The following ORC4 variants were observed in gnomAD, a reference collection of about 807,000 sequenced individuals.
The protein encoded by ORC4 is origin recognition complex subunit 4.
Under a neutral mutation model 63.9 loss-of-function variants are expected in ORC4, and 55 were observed. The ratio of observed to expected loss-of-function variants is 0.86; its 90% confidence interval spans 0.69 to 1.08. ORC4 has a LOEUF of 1.08. Among genes scored for constraint, ORC4 ranks in the 50% least tolerant of loss-of-function variants. The pLI, the probability that ORC4 is intolerant of heterozygous loss-of-function variation, is 0.00. For missense variants in ORC4, 511 were observed against 504.4 expected (o/e 1.01, Z -0.13); for synonymous variants, 150 against 168.5 (o/e 0.89, Z 0.85).
At chr2:147,935,977 G>A (rs527769145) in intron 13 of ORC4, among the ~76,000 whole-genome samples, 2 of 152,176 alleles carry the variant, frequency 1.3e-5, no homozygotes, top group East Asian at 3.9e-4. Flanking sequence ...TTTCTTCCTA[G>A]CCTCATTCTC....
At chr2:147,986,776 G>GACACACACACAC (rs1048997022) in intron 1 of ORC4, among the ~76,000 whole-genome samples, 2 of 101,308 alleles carry the variant, frequency 2.0e-5, no homozygotes, top group African/African-American at 9.5e-5. Flanking sequence ...ATTTTATACA[G>GACACACACACAC]ACACACACAC....
chr2:148,010,019 T>C (rs973870654), intron 1 of ORC4, among the ~76,000 whole-genome samples: 1 of 151,898 alleles, frequency 6.6e-6, no homozygotes, highest in Non-Finnish European at 1.5e-5. Context: ...CTAACCACAA[T>C]GGAATAAAAG....
intron 8 of ORC4, among the ~76,000 whole-genome samples, chr2:147,950,534 A>G (rs1688892934): frequency 6.6e-6 from 1 of 152,136 alleles, no homozygotes; most frequent in Admixed American, 6.6e-5. Flanking sequence ...TGGGAGGCCA[A>G]GGGGGGTAGA....
intron 13 of ORC4, 36 bp downstream of exon 13, chr2:147,938,110 T>TTGTC (rs1311706437): frequency 1.4e-6 from 2 of 1,382,188 alleles, no homozygotes; most frequent in Non-Finnish European, 2.1e-6. Context: ...AAAAATATAC[T>TTGTC]TGTCTGTAGA....
chr2:147,961,477 T>C (rs576332853), intron 4 of ORC4, among the ~76,000 whole-genome samples: 2 of 151,802 alleles, frequency 1.3e-5, no homozygotes, highest in East Asian at 3.9e-4. Flanking sequence ...AAAATTATAC[T>C]ATCGAGAGTT....
At chr2:147,936,477 T>G (rs182923453) in intron 13 of ORC4, 57 of 152,110 alleles carry the variant, frequency 3.7e-4, no homozygotes, top group African/African-American at 1.3e-3. Flanking sequence ...TACACTGAAA[T>G]AGATTCCTGA....
At chr2:147,977,106 T>A (rs117589761) in intron 1 of ORC4, among the ~76,000 whole-genome samples, 2 of 152,210 alleles carry the variant, frequency 1.3e-5, no homozygotes, top group Non-Finnish European at 1.5e-5. Flanking sequence ...AAAACTATCA[T>A]GTGGAATAAC....
In ORC4 at chr2:147,958,379, C is replaced by G. The variant is rs1443608101; in HGVS notation, c.306G>C (p.Leu102=). 6 of 1,608,466 alleles carry G rather than the reference C, an allele frequency of 3.7e-6. No homozygotes were observed. Among genetic ancestry groups the G allele is most frequent in the Non-Finnish European group, 5.1e-6 (6 of 1,175,494 alleles). The change falls in exon 6 of 14, where the codon CTG becomes CTC. Residue 102 remains leucine (L), a synonymous_variant. Transcript: ENST00000392857. The part of the protein sequence containing the change: ...ENVLQVHLNG[L]LQINDKIALK... ...GGGCGATTTTGTCATTGATCTGCAG[C>G]AGTCCTAAAATAAAGTCCATTTAAA...
rs1687915637 is a variant in ORC4 at position 147,934,030 on chromosome 2, T to C, written c.*1480A>G. 1.3e-5 allele frequency: 2 copies of C among 152,208 alleles called. No individual in the cohort carries two copies. The highest frequency in any genetic ancestry group is 1.3e-4 in the Admixed American group (2 of 15,266). The allele number at this position is 152,208 out of a possible 1,614,324, so 9.4% of individuals were successfully genotyped here. ...CATTAAAACATTGTTCCTTAGAGCA[T>C]ACTTTAAAAACTATTTGGTAAGGAA... On this transcript the variant is annotated 3_prime_UTR_variant, in exon 14 of 14. Coordinates refer to ENST00000392857, the MANE Select transcript of ORC4 (RefSeq NM_181741.4).
At chr2:147,997,473 C>T (rs190493178) in intron 1 of ORC4, among the ~76,000 whole-genome samples, 1 of 152,104 alleles carries the variant, frequency 6.6e-6, no homozygotes, top group African/African-American at 2.4e-5. Flanking sequence ...TCTTTGTCAA[C>T]ACCAATCATC....
chr2:147,966,373 A>C (rs2105334010), intron 4 of ORC4, among the ~76,000 whole-genome samples: 1 of 152,168 alleles, frequency 6.6e-6, no homozygotes, highest in African/African-American at 2.4e-5. Context: ...GAACAAACCA[A>C]ACCCCAAATT....
intron 1 of ORC4, among the ~76,000 whole-genome samples, chr2:148,013,408 A>T (rs1481233510): frequency 1.3e-5 from 2 of 152,242 alleles, no homozygotes. Context: ...AAAAGATGTT[A>T]GCAGAGGCTG....
chr2:147,937,919 A>C (rs1004120355), intron 13 of ORC4: 4 of 584,010 alleles, frequency 6.8e-6, no homozygotes, highest in Non-Finnish European at 1.2e-5. Context: ...TCGGGATGCA[A>C]GTGCTCTGAA....
chr2:147,958,465 T>C, intron 5 of ORC4, 82 bp from the exon 6 acceptor site: 1 of 981,216 alleles, frequency 1.0e-6, no homozygotes, highest in South Asian at 1.4e-5. Context: ...GTTAAGTAAA[T>C]CTTCCCAGTC....
rs1687883402 is a variant in ORC4 at position 147,933,534 on chromosome 2, T to G, written c.*1976A>C. On this transcript the variant is annotated 3_prime_UTR_variant, in exon 14 of 14. Transcript: ENST00000392857. ...TAGTCTTAAAATCTTTCTTTATACT[T>G]GGTTATTGATGGATCTTCTGCAGCT... 1 of 152,094 alleles carries G rather than the reference T, an allele frequency of 6.6e-6. No homozygotes were observed. Among genetic ancestry groups the G allele is most frequent in the Non-Finnish European group, 1.5e-5 (1 of 68,012 alleles). 9.4% of individuals were successfully genotyped at this position (152,094 alleles called of 1,614,324 possible).
At chr2:148,003,009 A>C (rs984238238) in intron 1 of ORC4, among the ~76,000 whole-genome samples, 2 of 152,262 alleles carry the variant, frequency 1.3e-5, no homozygotes, top group Admixed American at 6.5e-5. Context: ...TAGAAAATCT[A>C]GAAGAAATGG....
chr2:148,019,059 TTTTTC>T (rs1398346495), intron 1 of ORC4, among the ~76,000 whole-genome samples: 1 of 152,184 alleles, frequency 6.6e-6, no homozygotes, highest in Non-Finnish European at 1.5e-5. Context: ...GGTATTTTTT[TTTTTC>T]ATTACAAAGT....
chr2:147,954,487 G>T (rs992687711), intron 7 of ORC4, among the ~76,000 whole-genome samples: 1 of 152,082 alleles, frequency 6.6e-6, no homozygotes, highest in South Asian at 2.1e-4. Context: ...AACACAATGC[G>T]AAGTATTTGT....
chr2:148,000,174 A>G (rs1348282675), intron 1 of ORC4, among the ~76,000 whole-genome samples: 3 of 152,062 alleles, frequency 2.0e-5, no homozygotes, highest in African/African-American at 7.2e-5. Context: ...AACATGAGGA[A>G]TTTTCCCAGA....
Sources: gnomAD v4.1 joint callset for allele counts (sites outside exome capture counted in the v4.1 genomes callset) on GRCh38, gnomAD v4.1.1 for gene constraint, MANE v1.5 for transcripts, NCBI Gene and HGNC (gene_info 2026-07-23, HGNC 2026-07-21) for gene names.